Variants in C2CD3 observed in about 807,000 individuals in gnomAD.
The protein encoded by C2CD3 is C2 domain containing 3 centriole elongation regulator, also known as C2 domain-containing protein 3.
In C2CD3, 148 loss-of-function variants were observed where a neutral mutation model predicts 234.0. The ratio of observed to expected loss-of-function variants is 0.63; its 90% CI spans 0.55 to 0.72. The LOEUF (loss-of-function observed/expected upper bound fraction) is 0.72. Among genes scored for constraint, C2CD3 ranks in the 30% least tolerant of loss-of-function variants. The pLI is 0.00. For synonymous variants in C2CD3, 1,000 were observed against 1,035.4 expected, an observed-to-expected ratio of 0.97 and a Z score of 0.66; for missense variants, 2,577 against 2,811.5, an observed-to-expected ratio of 0.92 and a Z score of 1.89.
At chr11:74,134,951 T>C (rs1005889167) in intron 5 of C2CD3, among the ~76,000 whole-genome samples, 5 of 152,114 alleles carry the variant, frequency 3.3e-5, no homozygotes, top group Non-Finnish European at 5.9e-5. Context: ...TCTTGAACTA[T>C]TGGCCTCAAG....
chr11:74,088,220 G>A (rs1011704006), intron 20 of C2CD3, among the ~76,000 whole-genome samples: 5 of 152,292 alleles, frequency 3.3e-5, no homozygotes, highest in South Asian at 4.1e-4. Flanking sequence ...TTTATAAAAT[G>A]ACTTCATATT....
chr11:74,095,261 T>C lies in C2CD3; in HGVS notation c.3127A>G (p.Ser1043Gly). Reference sequence around the variant, plus strand: ...AGGAACTCAGGTCCTTTCAGCACACTGGATTGAGAGTGTTGAACTGGAAAG... The same window carrying C: ...AGGAACTCAGGTCCTTTCAGCACACCGGATTGAGAGTGTTGAACTGGAAAG... The part of the protein sequence containing the change: ...YYFPVQHSQS[S>G]VLKGPEFLEN... Residue 1043 changes from serine (S) to glycine (G), a missense_variant, in exon 17 of 33, where the codon AGT becomes GGT. Physicochemically the swap from Ser to Gly is moderately conservative, Grantham distance 56 (BLOSUM62 0). Transcript: ENST00000334126. 1.9e-6 allele frequency: 3 copies of C among 1,613,470 alleles called. No homozygotes were observed. The highest frequency in any genetic ancestry group is 2.5e-6 in the Non-Finnish European group (3 of 1,179,612).
At position 74,092,476 on chromosome 11, in the gene C2CD3, A is replaced by G. The variant is rs1310630479; in HGVS notation, c.3457T>C (p.Phe1153Leu). 1.2e-6 allele frequency: 2 copies of G among 1,613,826 alleles called. No individual in the cohort carries two copies. Among genetic ancestry groups the G allele is most frequent in the African/African-American group, 2.7e-5 (2 of 74,906 alleles). ...ATCCTGGGGGTTAAAGGGAGATTAA[A>G]GGTCTGTATTCCCACATCCTCACGA... is the stretch of plus-strand genomic sequence containing the variant. ...QHREDVGIQTFNLPLTPRIEN... is the reference protein window; with the variant it reads ...QHREDVGIQTLNLPLTPRIEN... Residue 1153 changes from phenylalanine (F) to leucine (L), a missense_variant, in exon 19 of 33, where the codon TTT (phenylalanine) becomes CTT (leucine). Phe to Leu is a conservative substitution (Grantham distance 22). Coordinates refer to ENST00000334126, the MANE Select transcript of C2CD3 (RefSeq NM_001286577.2).
chr11:74,053,311 A>G (rs903110967), intron 26 of C2CD3, among the ~76,000 whole-genome samples: 2 of 152,224 alleles, frequency 1.3e-5, no homozygotes, highest in Non-Finnish European at 2.9e-5. Flanking sequence ...CTGATACGGT[A>G]TTTACTAAGT....
chr11:74,151,305 CTTTATTTATTTA>C (rs202206182), intron 3 of C2CD3, among the ~76,000 whole-genome samples: 7 of 133,292 alleles, frequency 5.3e-5, no homozygotes, highest in Admixed American at 7.1e-5. Flanking sequence ...ATCCAACACT[CTTTATTTATTTA>C]TTTATTTATT....
rs142332424 is a variant in C2CD3, at chr11:74,030,351, T to C, written c.6810-1953A>G. ...TATCTCCTCAGTTTATGTGAAAAAG[T>C]TGTCTGTTCTCACTGTCCTCACCAT... On this transcript the variant is annotated intron_variant, in intron 31 of 32. Coordinates refer to ENST00000334126, the MANE Select transcript of C2CD3 (RefSeq NM_001286577.2). Among the ~76,000 whole-genome samples, 44 of 152,332 alleles carry C rather than the reference T, an allele frequency of 2.9e-4. No individual in the cohort carries two copies. The Middle Eastern group carries it at 0.01, about 35-fold the overall frequency.
At chr11:74,151,630 A>T (rs1855668812) in intron 3 of C2CD3, among the ~76,000 whole-genome samples, 1 of 152,152 alleles carries the variant, frequency 6.6e-6, no homozygotes, top group African/African-American at 2.4e-5. Flanking sequence ...CCTGGCAGAC[A>T]ACACTCATTA....
Position 74,132,750 on chromosome 11 carries a change from G to A in C2CD3, c.1217+94C>T, listed in dbSNP as rs1007181071. The A allele has an allele frequency of 5.7e-6, 7 of 1,234,228 alleles. No individual in the cohort carries two copies. In the Admixed American group the frequency reaches 1.2e-4, roughly 21 times the overall value. The allele number at this position is 1,234,228 out of a possible 1,614,324, so 76.5% of individuals were successfully genotyped here. On this transcript the variant is annotated intron_variant, in intron 7 of 32. Transcript: ENST00000334126. ...TAGGGAAGGGCTTGGTTAGTCTAAG[G>A]ACATGTTACTTTAGGAAGATGAATC... is the stretch of plus-strand genomic sequence containing the variant.
At chr11:74,088,232 G>A (rs1955733063) in intron 20 of C2CD3, among the ~76,000 whole-genome samples, 2 of 152,116 alleles carry the variant, frequency 1.3e-5, no homozygotes, top group Admixed American at 1.3e-4. Context: ...CTTCATATTT[G>A]TTAATTTTTA....
chr11:74,085,559 A>G, intron 21 of C2CD3, 59 bp downstream of exon 21: 1 of 1,556,430 alleles, frequency 6.4e-7, no homozygotes, highest in Middle Eastern at 1.7e-4. Context: ...AGGAAGGGCT[A>G]TACTATTCAC....
chr11:74,139,709 G>C lies in C2CD3; in HGVS notation c.603C>G (p.Pro201=). Residue 201 remains proline (P), a synonymous_variant, in exon 4 of 33, where the codon CCC becomes CCG. Coordinates refer to ENST00000334126, the MANE Select transcript of C2CD3 (RefSeq NM_001286577.2). ...SKQGFRENTE[P]SSTQFQVPSR... ...ATGGAACCTGAAACTGGGTACTGCT[G>C]GGTTCAGTATTCTCTCTGAATCCCT... is the stretch of plus-strand genomic sequence containing the variant. 1 of 1,613,366 alleles carries C rather than the reference G, an allele frequency of 6.2e-7. No homozygotes were observed.
In C2CD3 at chr11:74,078,442, G is replaced by A. The variant is rs1316867457; in HGVS notation, c.4276C>T (p.His1426Tyr). ...TATGTATTCTTATGAATGTGGTTGT[G>A]GCCAGCAAGCAGCACACAATGGATG... ...LPIHCVLLAG[H>Y]NHIHKNTYCY... Residue 1426 changes from histidine to tyrosine, a missense_variant, in exon 23 of 33, where the codon CAC becomes TAC. Transcript: ENST00000334126. The A allele has an allele frequency of 5.0e-6, 8 of 1,614,052 alleles. No individual in the cohort carries two copies. The highest frequency in any genetic ancestry group is 1.3e-5 in the African/African-American group (1 of 74,918).
chr11:74,123,728 C>A (rs531035485), intron 7 of C2CD3, among the ~76,000 whole-genome samples: 1 of 146,944 alleles, frequency 6.8e-6, no homozygotes, highest in East Asian at 2.0e-4. Context: ...TGAAATCCCA[C>A]GCTGGTATCT....
intron 24 of C2CD3, among the ~76,000 whole-genome samples, chr11:74,072,439 G>C (rs113522959): frequency 0.021 from 3,197 of 152,292 alleles, 60 homozygotes; most frequent in Middle Eastern, 0.034. Context: ...CCAAAACAGA[G>C]ATGACAGGAG....
chr11:74,149,675 T>G (rs1053392638), intron 3 of C2CD3, among the ~76,000 whole-genome samples: 2 of 152,104 alleles, frequency 1.3e-5, no homozygotes, highest in Non-Finnish European at 2.9e-5. Flanking sequence ...CTATGCCTTG[T>G]GTACAGCTGC....
Position 74,106,388 on chromosome 11 carries a change from G to C in C2CD3, c.2068C>G (p.Pro690Ala), listed in dbSNP as rs1000605555. 22 of 1,613,974 alleles carry C rather than the reference G, an allele frequency of 1.4e-5. No homozygotes were observed. The highest frequency in any genetic ancestry group is 2.2e-5 in the East Asian group (1 of 44,884). ...CTACATACCTTGAGGGGGCCAAATGGAGACTGACCATTTTCTTGTTGCACT... is the reference window on the plus strand; with the variant it reads ...CTACATACCTTGAGGGGGCCAAATGCAGACTGACCATTTTCTTGTTGCACT... The part of the protein sequence containing the change: ...LPVQQENGQS[P>A]FGPLKVTMEL... Residue 690 changes from proline (P) to alanine (A), a missense_variant, in exon 13 of 33, where the codon CCA becomes GCA. By Grantham distance (27) the Pro-to-Ala change is conservative. Coordinates refer to ENST00000334126, the MANE Select transcript of C2CD3 (RefSeq NM_001286577.2).
chr11:74,082,086 C>T (rs1456662934), intron 22 of C2CD3, among the ~76,000 whole-genome samples: 4 of 151,604 alleles, frequency 2.6e-5, no homozygotes, highest in African/African-American at 9.7e-5. Flanking sequence ...GGAATGCTTC[C>T]AGTTCTTGCC....
chr11:74,067,814 G>A (rs184658446), intron 24 of C2CD3, among the ~76,000 whole-genome samples: 68 of 152,148 alleles, frequency 4.5e-4, no homozygotes, highest in African/African-American at 1.3e-3. Flanking sequence ...TACATTTCTC[G>A]GACTCTTTTG....
chr11:74,021,827 T>C (rs984157935), intron 32 of C2CD3, among the ~76,000 whole-genome samples: 2 of 151,966 alleles, frequency 1.3e-5, no homozygotes, highest in African/African-American at 4.8e-5. Flanking sequence ...GTGAGACTGG[T>C]TAGAAATAGT....
Sources: gnomAD v4.1 joint callset for allele counts (sites outside exome capture counted in the v4.1 genomes callset) on GRCh38, gnomAD v4.1.1 for gene constraint, MANE v1.5 for transcripts, NCBI Gene and HGNC (gene_info 2026-07-23, HGNC 2026-07-21) for gene names.